PRDM10: variants seen among roughly 807,000 people sequenced by gnomAD.
PRDM10 encodes PR domain zinc finger protein 10.
In PRDM10, 65 loss-of-function variants were observed where a neutral mutation model predicts 133.1. The ratio of observed to expected loss-of-function variants is 0.49; its 90% CI spans 0.40 to 0.60. PRDM10 has a LOEUF of 0.60. PRDM10 is among the 20% of genes least tolerant of loss of function. The pLI, the probability that PRDM10 is intolerant of heterozygous loss-of-function variation, is 0.00. For synonymous variants in PRDM10, 582 were observed against 580.4 expected (o/e 1.00, Z -0.04); for missense variants, 1,137 against 1,507.1 (o/e 0.75, Z 4.07).
chr11:129,930,298 C>T (rs931135813), intron 11 of PRDM10, among the ~76,000 whole-genome samples: 2 of 152,204 alleles, frequency 1.3e-5, no homozygotes, highest in Admixed American at 1.3e-4. Context: ...TTTTTATCAG[C>T]ACAGACACTT....
intron 19 of PRDM10, among the ~76,000 whole-genome samples, chr11:129,908,090 C>T (rs560650266): frequency 2.0e-5 from 3 of 151,788 alleles, no homozygotes; most frequent in Non-Finnish European, 4.4e-5. Context: ...ACAGACAAGA[C>T]CCTCTCTCTT....
At chr11:129,906,655 A>G (rs1458624389) in intron 19 of PRDM10, among the ~76,000 whole-genome samples, 4 of 152,210 alleles carry the variant, frequency 2.6e-5, no homozygotes, top group Non-Finnish European at 5.9e-5. Flanking sequence ...TTTCTTTATA[A>G]AAGTTTTCTA....
rs190964550 is a variant in PRDM10 at position 129,979,838 on chromosome 11, T to C, written c.-118-18756A>G. Among the ~76,000 whole-genome samples the C allele has an allele frequency of 3.5e-3, 528 of 152,232 alleles. 1 individual carries two copies. The highest frequency in any genetic ancestry group is 0.012 in the African/African-American group (492 of 41,552). ...CCCTTCAGGCCCATCCTTTACCTCC[T>C]CCGCCCCAGGAGATCACCTGGAGCT... On this transcript the variant is annotated intron_variant, in intron 1 of 20. Coordinates refer to ENST00000360871, the MANE Select transcript of PRDM10 (RefSeq NM_199437.2).
At chr11:129,917,407 A>C (rs1007105569) in intron 14 of PRDM10, among the ~76,000 whole-genome samples, 170 bp from the exon 15 acceptor site, 2 of 152,234 alleles carry the variant, frequency 1.3e-5, no homozygotes, top group Non-Finnish European at 2.9e-5. Flanking sequence ...TCTGATGCCA[A>C]AGCACTCACA....
intron 1 of PRDM10, among the ~76,000 whole-genome samples, chr11:129,964,214 G>A (rs935719425): frequency 3.9e-5 from 6 of 152,140 alleles, no homozygotes; most frequent in Non-Finnish European, 5.9e-5. Flanking sequence ...TGCGGGGATC[G>A]GCAGGTACAG....
chr11:129,930,061 A>G (rs1301922451), intron 11 of PRDM10, among the ~76,000 whole-genome samples: 6 of 152,242 alleles, frequency 3.9e-5, no homozygotes, highest in African/African-American at 1.4e-4. Context: ...ATATGACTAC[A>G]AATGTTTAAA....
chr11:129,963,027 TG>T (rs996738630), intron 1 of PRDM10, among the ~76,000 whole-genome samples: 2 of 151,794 alleles, frequency 1.3e-5, no homozygotes, highest in Admixed American at 1.3e-4. Flanking sequence ...TGTGCACCTG[TG>T]GTCCCAGCTT....
intron 20 of PRDM10, among the ~76,000 whole-genome samples, chr11:129,904,529 T>G (rs955252504): frequency 1.3e-5 from 2 of 152,286 alleles, no homozygotes; most frequent in Middle Eastern, 3.4e-3. Flanking sequence ...AGACAGAGTC[T>G]CACTTTGTTG....
chr11:129,934,814 T>C (rs2135828832), intron 9 of PRDM10, among the ~76,000 whole-genome samples: 1 of 152,324 alleles, frequency 6.6e-6, no homozygotes, highest in South Asian at 2.1e-4. Flanking sequence ...ATTTTAAAGG[T>C]ATGTCCTATC....
intron 15 of PRDM10, among the ~76,000 whole-genome samples, chr11:129,916,418 C>T (rs904869042): frequency 3.3e-5 from 5 of 152,174 alleles, no homozygotes; most frequent in Admixed American, 6.5e-5. Context: ...GAGGCCGAGG[C>T]GGGCGATCAC....
chr11:129,943,336 T>C (rs1951276633), intron 6 of PRDM10, among the ~76,000 whole-genome samples: 1 of 152,236 alleles, frequency 6.6e-6, no homozygotes, highest in South Asian at 2.1e-4. Context: ...CACAGCAGAT[T>C]ACATTAAGCC....
At chr11:129,973,454 T>C (rs1471808809) in intron 1 of PRDM10, among the ~76,000 whole-genome samples, 1 of 152,248 alleles carries the variant, frequency 6.6e-6, no homozygotes, top group Non-Finnish European at 1.5e-5. Flanking sequence ...ATGAATTAAA[T>C]TCCAGATGCA....
At chr11:129,968,643 C>T (rs1217274172) in intron 1 of PRDM10, among the ~76,000 whole-genome samples, 2 of 151,200 alleles carry the variant, frequency 1.3e-5, no homozygotes, top group Non-Finnish European at 2.9e-5. Flanking sequence ...CCTAACATCA[C>T]TAAGCCCTTC....
At chr11:129,954,084 A>T (rs1951647854) in intron 4 of PRDM10, among the ~76,000 whole-genome samples, 1 of 150,714 alleles carries the variant, frequency 6.6e-6, no homozygotes, top group South Asian at 2.1e-4. Flanking sequence ...ACTGCCAGTC[A>T]TGAATGAATT....
intron 4 of PRDM10, among the ~76,000 whole-genome samples, chr11:129,954,764 C>A (rs1951664860): frequency 6.6e-6 from 1 of 152,182 alleles, no homozygotes; most frequent in South Asian, 2.1e-4. Context: ...CCTTGAACAT[C>A]TGAGTTTAAG....
intron 10 of PRDM10, among the ~76,000 whole-genome samples, 157 bp from the exon 11 acceptor site, chr11:129,931,415 A>C (rs1365480113): frequency 1.3e-5 from 2 of 152,212 alleles, no homozygotes; most frequent in Non-Finnish European, 2.9e-5. Context: ...CACAGAAGGC[A>C]AAAGCAGGAG....
At chr11:129,957,141 T>G (rs1241807159) in intron 3 of PRDM10, among the ~76,000 whole-genome samples, 1 of 152,218 alleles carries the variant, frequency 6.6e-6, no homozygotes, top group Non-Finnish European at 1.5e-5. Context: ...AAATAATCTG[T>G]ATGTTTTCAC....
At chr11:129,906,753 G>A (rs1950027840) in intron 19 of PRDM10, among the ~76,000 whole-genome samples, 2 of 152,074 alleles carry the variant, frequency 1.3e-5, no homozygotes, top group Non-Finnish European at 2.9e-5. Flanking sequence ...CAAGGCAGGC[G>A]GATCACTTGA....
intron 4 of PRDM10, among the ~76,000 whole-genome samples, chr11:129,951,573 T>C (rs1198595249): frequency 6.6e-6 from 1 of 152,206 alleles, no homozygotes; most frequent in Non-Finnish European, 1.5e-5. Flanking sequence ...ACGGTATACT[T>C]TCTCCTTCCC....
Sources: allele counts gnomAD v4.1 joint callset (sites outside exome capture counted in the v4.1 genomes callset), GRCh38; gene constraint gnomAD v4.1.1; transcripts MANE v1.5; gene names NCBI Gene and HGNC (gene_info 2026-07-23, HGNC 2026-07-21).